The following TRPM3 variants were observed in gnomAD, a reference collection of about 807,000 sequenced individuals.
The protein encoded by TRPM3 is transient receptor potential cation channel subfamily M member 3, also known as long transient receptor potential channel 3.
TRPM3 carries 77 observed loss-of-function variants against 181.2 expected under a neutral mutation model. The ratio of observed to expected loss-of-function variants is 0.42; its 90% CI spans 0.35 to 0.51. The LOEUF is 0.51. TRPM3 is among the 20% of genes least tolerant of loss of function. The pLI is 0.01. For synonymous variants in TRPM3, 745 were observed against 796.4 expected, an observed-to-expected ratio of 0.94 and a Z score of 1.09; for missense variants, 1,759 against 2,196.7, an observed-to-expected ratio of 0.80 and a Z score of 3.98.
At chr9:71,328,297 G>A (rs1391293552) in intron 1 of TRPM3, among the ~76,000 whole-genome samples, 1 of 152,110 alleles carries the variant, frequency 6.6e-6, no homozygotes, top group Admixed American at 6.5e-5. Flanking sequence ...CGGAGAAGCT[G>A]GGACTACAGG....
chr9:70,741,547 T>C (rs1234180610), intron 8 of TRPM3, among the ~76,000 whole-genome samples: 1 of 152,138 alleles, frequency 6.6e-6, no homozygotes, highest in Non-Finnish European at 1.5e-5. Flanking sequence ...CAATTTGCAA[T>C]TGTGAAAATA....
chr9:70,966,780 T>C (rs2097189796), intron 1 of TRPM3, among the ~76,000 whole-genome samples: 1 of 152,064 alleles, frequency 6.6e-6, no homozygotes, highest in Non-Finnish European at 1.5e-5. Context: ...AAATATCTTA[T>C]GGGTACTCAG....
chr9:71,037,861 C>G (rs1455853092), intron 1 of TRPM3, among the ~76,000 whole-genome samples: 9 of 152,190 alleles, frequency 5.9e-5, no homozygotes, highest in Admixed American at 5.9e-4. Context: ...GAGTCCTAAT[C>G]AAGAAAAACC....
intron 1 of TRPM3, among the ~76,000 whole-genome samples, chr9:71,335,942 G>A (rs897560367): frequency 5.9e-5 from 9 of 152,106 alleles, no homozygotes; most frequent in South Asian, 4.1e-4. Flanking sequence ...CATGGAGTCC[G>A]TGAGATTGAT....
chr9:70,797,065 G>C (rs1162945712), intron 6 of TRPM3, among the ~76,000 whole-genome samples: 1 of 152,196 alleles, frequency 6.6e-6, no homozygotes, highest in Non-Finnish European at 1.5e-5. Context: ...AGGAGGTCGA[G>C]GCTGAAGTGA....
At chr9:71,022,630 T>C (rs1409573034) in intron 1 of TRPM3, among the ~76,000 whole-genome samples, 1 of 152,006 alleles carries the variant, frequency 6.6e-6, no homozygotes, top group East Asian at 1.9e-4. Flanking sequence ...CGTAGGAGTT[T>C]AAGGCTACAG....
intron 1 of TRPM3, among the ~76,000 whole-genome samples, chr9:71,162,297 C>T (rs187920242): frequency 3.5e-3 from 530 of 151,836 alleles, no homozygotes; most frequent in African/African-American, 0.012. Flanking sequence ...AAATACAATG[C>T]TTCCGGCTTT....
At chr9:71,252,034 C>A (rs1253106124) in intron 1 of TRPM3, among the ~76,000 whole-genome samples, 1 of 152,146 alleles carries the variant, frequency 6.6e-6, no homozygotes, top group Non-Finnish European at 1.5e-5. Context: ...ATGATAAGAT[C>A]TCATTCTTTT....
intron 1 of TRPM3, among the ~76,000 whole-genome samples, chr9:71,031,964 T>TA (rs1437581967): frequency 3.1e-3 from 1 of 318 alleles, no homozygotes; most frequent in Non-Finnish European, 5.1e-3. Flanking sequence ...TATAATTATA[T>TA]ATATATATTA....
intron 1 of TRPM3, among the ~76,000 whole-genome samples, chr9:71,391,626 T>A (rs1234923484): frequency 6.6e-6 from 1 of 152,100 alleles, no homozygotes; most frequent in Non-Finnish European, 1.5e-5. Flanking sequence ...TATAAAATTT[T>A]AAAAATCCAT....
chr9:71,001,297 C>T (rs184395201), intron 1 of TRPM3, among the ~76,000 whole-genome samples: 1 of 152,294 alleles, frequency 6.6e-6, no homozygotes, highest in East Asian at 1.9e-4. Context: ...AGTCATATGC[C>T]TTCTGATCCA....
At chr9:71,417,862 C>G (rs1421389809) in intron 1 of TRPM3, among the ~76,000 whole-genome samples, 1 of 151,850 alleles carries the variant, frequency 6.6e-6, no homozygotes, top group Admixed American at 6.6e-5. Flanking sequence ...AAATGATTTG[C>G]CTGTACTTGA....
At chr9:70,830,395 C>G (rs1350039018) in intron 5 of TRPM3, among the ~76,000 whole-genome samples, 2 of 152,136 alleles carry the variant, frequency 1.3e-5, no homozygotes, top group African/African-American at 4.8e-5. Flanking sequence ...ACTTTCTTTT[C>G]TTGTGAAACA....
At chr9:70,939,966 TA>T (rs1023551565) in intron 1 of TRPM3, among the ~76,000 whole-genome samples, 2 of 152,198 alleles carry the variant, frequency 1.3e-5, no homozygotes, top group African/African-American at 4.8e-5. Flanking sequence ...GGTAAGAAGC[TA>T]AAGTGAGGAA....
At chr9:70,795,802 G>A (rs2086877056) in intron 6 of TRPM3, among the ~76,000 whole-genome samples, 2 of 152,326 alleles carry the variant, frequency 1.3e-5, no homozygotes, top group East Asian at 3.9e-4. Flanking sequence ...TTATTCCCTT[G>A]TGGCCAGATG....
intron 1 of TRPM3, among the ~76,000 whole-genome samples, chr9:71,416,751 A>G (rs2093642535): frequency 6.6e-6 from 1 of 151,952 alleles, no homozygotes; most frequent in African/African-American, 2.4e-5. Flanking sequence ...TTAAATGTAT[A>G]TTTCAATGAG....
At chr9:70,981,473 C>T (rs1404240964) in intron 1 of TRPM3, among the ~76,000 whole-genome samples, 1 of 152,094 alleles carries the variant, frequency 6.6e-6, no homozygotes, top group Non-Finnish European at 1.5e-5. Flanking sequence ...TGAAAGGAGA[C>T]ATTTGCAGAA....
chr9:71,032,082 TATA>T (rs2057526592), intron 1 of TRPM3, among the ~76,000 whole-genome samples: 1 of 63,516 alleles, frequency 1.6e-5, no homozygotes, highest in African/African-American at 5.2e-5. Context: ...TTATATTATA[TATA>T]TATAATTATA....
intron 1 of TRPM3, among the ~76,000 whole-genome samples, chr9:70,930,966 C>T (rs2096770534): frequency 1.3e-5 from 2 of 151,842 alleles, no homozygotes; most frequent in South Asian, 4.1e-4. Flanking sequence ...AAAATGAGAC[C>T]TCCAATAACT....
Sources: gnomAD v4.1 joint callset for allele counts (sites outside exome capture counted in the v4.1 genomes callset) on GRCh38, gnomAD v4.1.1 for gene constraint, MANE v1.5 for transcripts, NCBI Gene and HGNC (gene_info 2026-07-23, HGNC 2026-07-21) for gene names.